The following GATB variants were observed in gnomAD, a reference collection of about 807,000 sequenced individuals.
The protein encoded by GATB is glutamyl-tRNA(Gln) amidotransferase subunit B, mitochondrial.
A neutral mutation model predicts 62.3 loss-of-function variants in GATB; 39 were observed. That is an observed-to-expected ratio of 0.63 (90% CI 0.48 to 0.82). The LOEUF is 0.82. Among genes scored for constraint, GATB ranks in the 40% least tolerant of loss-of-function variants. The pLI is 0.00. For missense variants in GATB, 670 were observed against 684.0 expected, an observed-to-expected ratio of 0.98 and a Z score of 0.23; for synonymous variants, 276 against 258.9, an observed-to-expected ratio of 1.07 and a Z score of -0.63.
chr4:151,689,190 T>C (rs1211301723), intron 9 of GATB, among the ~76,000 whole-genome samples: 1 of 152,086 alleles, frequency 6.6e-6, no homozygotes, highest in Non-Finnish European at 1.5e-5. Context: ...CAGTAATTGC[T>C]AGAAAAGAGG....
chr4:151,686,322 C>T (rs576044846), intron 10 of GATB, among the ~76,000 whole-genome samples: 3 of 152,262 alleles, frequency 2.0e-5, no homozygotes, highest in South Asian at 4.2e-4. Context: ...AACTAACACC[C>T]GGGCCACACT....
At chr4:151,727,588 G>A (rs772561201) in intron 2 of GATB, among the ~76,000 whole-genome samples, 3 of 152,166 alleles carry the variant, frequency 2.0e-5, no homozygotes, top group Non-Finnish European at 4.4e-5. Flanking sequence ...ACTCACTGGT[G>A]ATTAACCTGA....
chr4:151,724,706 G>C (rs1221787528), intron 2 of GATB, among the ~76,000 whole-genome samples: 1 of 151,982 alleles, frequency 6.6e-6, no homozygotes, highest in Admixed American at 6.5e-5. Flanking sequence ...GATGTCACCT[G>C]TTTTGTGACA....
At chr4:151,726,296 G>A (rs1739136041) in intron 2 of GATB, among the ~76,000 whole-genome samples, 2 of 152,116 alleles carry the variant, frequency 1.3e-5, no homozygotes, top group African/African-American at 4.8e-5. Flanking sequence ...TTACAGTTGA[G>A]AATATTGCTC....
chr4:151,748,757 T>C (rs1380620280), intron 2 of GATB, among the ~76,000 whole-genome samples: 4 of 152,292 alleles, frequency 2.6e-5, no homozygotes, highest in East Asian at 1.9e-4. Flanking sequence ...ATTTGCAATC[T>C]ACCCATCTGA....
At chr4:151,714,139 T>C (rs984391579) in intron 5 of GATB, among the ~76,000 whole-genome samples, 2 of 152,232 alleles carry the variant, frequency 1.3e-5, no homozygotes, top group South Asian at 4.1e-4. Flanking sequence ...CAAAAGGCTG[T>C]CCACTGAGAA....
intron 5 of GATB, among the ~76,000 whole-genome samples, 170 bp downstream of exon 5, chr4:151,715,835 TAAAC>T (rs531883894): frequency 8.9e-4 from 136 of 152,188 alleles, no homozygotes; most frequent in Middle Eastern, 3.4e-3. Flanking sequence ...AGGAAAATTC[TAAAC>T]AAACAAACAA....
At chr4:151,695,343 T>C (rs1291141876) in intron 9 of GATB, among the ~76,000 whole-genome samples, 2 of 152,122 alleles carry the variant, frequency 1.3e-5, no homozygotes, top group African/African-American at 4.8e-5. Context: ...CAGCTCTGGT[T>C]ACCCTGCAGA....
At chr4:151,693,084 C>T (rs111724733) in intron 9 of GATB, among the ~76,000 whole-genome samples, 416 of 152,232 alleles carry the variant, frequency 2.7e-3, no homozygotes, top group African/African-American at 9.3e-3. Flanking sequence ...TCATCACCTG[C>T]GTATCAACGC....
At chr4:151,755,266 G>C (rs1739804727) in intron 2 of GATB, among the ~76,000 whole-genome samples, 1 of 152,072 alleles carries the variant, frequency 6.6e-6, no homozygotes, top group Non-Finnish European at 1.5e-5. Flanking sequence ...CATCTCACTA[G>C]AATTTTTATC....
chr4:151,692,083 G>A (rs114364871), intron 9 of GATB, among the ~76,000 whole-genome samples: 1,925 of 152,320 alleles, frequency 0.013, 40 homozygotes, highest in African/African-American at 0.044. Flanking sequence ...CAGCAGCAGC[G>A]GTGATGGGCG....
At chr4:151,696,431 C>G (rs940986672) in intron 9 of GATB, among the ~76,000 whole-genome samples, 1 of 152,172 alleles carries the variant, frequency 6.6e-6, no homozygotes, top group Non-Finnish European at 1.5e-5. Context: ...ACAAGTGACT[C>G]CAAACATCAA....
chr4:151,728,599 T>A (rs1420089811), intron 2 of GATB, among the ~76,000 whole-genome samples: 1 of 152,168 alleles, frequency 6.6e-6, no homozygotes, highest in Non-Finnish European at 1.5e-5. Flanking sequence ...ACTGAAACTG[T>A]CAAGTCTTTT....
At chr4:151,684,577 G>C (rs1006043285) in intron 10 of GATB, among the ~76,000 whole-genome samples, 5 of 152,202 alleles carry the variant, frequency 3.3e-5, no homozygotes, top group Non-Finnish European at 7.3e-5. Context: ...GGAAACATTA[G>C]CACTCATAGC....
chr4:151,686,662 C>CCCCCCCT (rs1560843482), intron 10 of GATB, among the ~76,000 whole-genome samples: 1 of 129,408 alleles, frequency 7.7e-6, no homozygotes, highest in Non-Finnish European at 1.7e-5. Flanking sequence ...GCCCCCCCCC[C>CCCCCCCT]ACCCCCCAGT....
chr4:151,709,509 G>A (rs955354515), intron 5 of GATB, among the ~76,000 whole-genome samples: 1 of 151,968 alleles, frequency 6.6e-6, no homozygotes, highest in South Asian at 2.1e-4. Flanking sequence ...TGAGACTCTC[G>A]GTCTAGGAAC....
chr4:151,760,683 G>A (rs567528848), intron 1 of GATB, 124 bp downstream of exon 1: 6 of 834,770 alleles, frequency 7.2e-6, no homozygotes, highest in Non-Finnish European at 1.1e-5. Flanking sequence ...GGGGCTCCAG[G>A]TTATAACTCA....
chr4:151,729,118 G>A (rs1739193629), intron 2 of GATB, among the ~76,000 whole-genome samples: 1 of 152,138 alleles, frequency 6.6e-6, no homozygotes, highest in Admixed American at 6.5e-5. Flanking sequence ...TCATCTTAGA[G>A]GCTTCTTAGT....
At chr4:151,735,654 A>G (rs1226285843) in intron 2 of GATB, among the ~76,000 whole-genome samples, 4 of 150,888 alleles carry the variant, frequency 2.7e-5, no homozygotes, top group African/African-American at 9.8e-5. Flanking sequence ...ACGCATGTTT[A>G]TAGCAGCACA....
Sources: allele counts gnomAD v4.1 joint callset (sites outside exome capture counted in the v4.1 genomes callset), GRCh38; gene constraint gnomAD v4.1.1; transcripts MANE v1.5; gene names NCBI Gene and HGNC (gene_info 2026-07-23, HGNC 2026-07-21).